FAM184A: variants seen among roughly 807,000 people sequenced by gnomAD.
FAM184A encodes the protein family with sequence similarity 184 member A, also known as protein FAM184A.
In FAM184A, 99 loss-of-function variants were observed where a neutral mutation model predicts 143.8. The ratio of observed to expected loss-of-function variants is 0.69; its 90% CI spans 0.58 to 0.81. FAM184A has a LOEUF of 0.81. FAM184A is among the 40% of genes least tolerant of loss of function. The pLI is 0.00. For synonymous variants in FAM184A, 427 were observed against 446.4 expected (o/e 0.96, Z 0.55); for missense variants, 1,217 against 1,310.5 (o/e 0.93, Z 1.10).
chr6:118,999,894 T>C (rs555366357), intron 9 of FAM184A, among the ~76,000 whole-genome samples: 3 of 152,308 alleles, frequency 2.0e-5, no homozygotes, highest in South Asian at 2.1e-4. Context: ...TACAAACTGC[T>C]TGGATCATTT....
intron 3 of FAM184A, among the ~76,000 whole-genome samples, chr6:119,022,057 T>C (rs1172859568): frequency 1.4e-5 from 2 of 139,846 alleles, no homozygotes; most frequent in Non-Finnish European, 3.1e-5. Flanking sequence ...TTCTTTCTTT[T>C]TTTTTTTTTT....
chr6:119,056,426 A>T (rs907465720), intron 1 of FAM184A, among the ~76,000 whole-genome samples: 42 of 152,208 alleles, frequency 2.8e-4, no homozygotes, highest in Admixed American at 2.6e-3. Context: ...GAAATTTCCC[A>T]AAACAAACCT....
chr6:118,978,169 G>C (rs1309999413), intron 11 of FAM184A, among the ~76,000 whole-genome samples: 1 of 152,070 alleles, frequency 6.6e-6, no homozygotes, highest in Non-Finnish European at 1.5e-5. Context: ...CACCATGTTG[G>C]TCAGGCTGAT....
At chr6:119,133,803 G>A (rs1476487379) in intron 1 of FAM184A, among the ~76,000 whole-genome samples, 1 of 151,896 alleles carries the variant, frequency 6.6e-6, no homozygotes, top group Non-Finnish European at 1.5e-5. Context: ...ACCACACCTG[G>A]CTAATTATTA....
chr6:119,082,153 G>A (rs564614806), upstream of FAM184A, among the ~76,000 whole-genome samples: 109 of 152,226 alleles, frequency 7.2e-4, no homozygotes, highest in African/African-American at 2.4e-3. Flanking sequence ...CCCTTCCCCC[G>A]TTCTGTATTA....
At position 118,967,042 on chromosome 6, in the gene FAM184A, C is replaced by A. The variant is rs1160989724; in HGVS notation, c.2916-90G>T. ...TTAAAAAAATTAGTCTAGTTGAACA[C>A]ACACAAAAATCTGAAACAAAACTTC... On this transcript the variant is annotated intron_variant, in intron 14 of 17. Coordinates refer to ENST00000338891, the MANE Select transcript of FAM184A (RefSeq NM_024581.6). 3 of 617,040 alleles carry A rather than the reference C, an allele frequency of 4.9e-6. No individual in the cohort carries two copies. The Admixed American group carries it at 8.6e-5, about 18-fold the overall frequency. The allele number at this position is 617,040 out of a possible 1,614,324, so 38.2% of individuals were successfully genotyped here. A position where few individuals can be genotyped will look rare whatever the true frequency, so the allele number is the denominator to read the frequency against.
At chr6:119,087,404 A>G (rs764321301) in intron 1 of FAM184A, among the ~76,000 whole-genome samples, 1 of 152,230 alleles carries the variant, frequency 6.6e-6, no homozygotes, top group Non-Finnish European at 1.5e-5. Context: ...AAAAGCAAAT[A>G]ACCCAATTAA....
At chr6:119,055,473 C>T (rs1014772434) in intron 1 of FAM184A, among the ~76,000 whole-genome samples, 3 of 152,116 alleles carry the variant, frequency 2.0e-5, no homozygotes, top group African/African-American at 7.2e-5. Flanking sequence ...AACTGTTTAC[C>T]AAAGTGACTG....
At chr6:118,997,324 CAA>C (rs11345478) in intron 9 of FAM184A, among the ~76,000 whole-genome samples, 303 of 111,916 alleles carry the variant, frequency 2.7e-3, no homozygotes, top group Admixed American at 3.6e-3. Flanking sequence ...AACTCCATCT[CAA>C]AAAAAAAAAA....
At chr6:119,134,668 A>G (rs1047749716) in intron 1 of FAM184A, among the ~76,000 whole-genome samples, 144 of 149,924 alleles carry the variant, frequency 9.6e-4, no homozygotes, top group Admixed American at 3.8e-3. Flanking sequence ...AAAAAAAAAA[A>G]AGAGAAAGAA....
At chr6:119,127,674 G>T (rs759756028) in intron 1 of FAM184A, among the ~76,000 whole-genome samples, 7 of 152,174 alleles carry the variant, frequency 4.6e-5, no homozygotes, top group Non-Finnish European at 8.8e-5. Context: ...GAGGGAAGCA[G>T]CTACCCTAAA....
At chr6:119,013,024 G>T (rs1438588504) in intron 5 of FAM184A, among the ~76,000 whole-genome samples, 1 of 152,108 alleles carries the variant, frequency 6.6e-6, no homozygotes, top group Non-Finnish European at 1.5e-5. Flanking sequence ...ATTTTGGAAG[G>T]AGGCTGGTTT....
chr6:119,001,674 G>A (rs913322710), intron 9 of FAM184A, among the ~76,000 whole-genome samples: 9 of 152,100 alleles, frequency 5.9e-5, no homozygotes, highest in Admixed American at 1.3e-4. Flanking sequence ...CAGGAGAAGC[G>A]GTGGGCCACT....
chr6:118,971,120 A>T (rs886942217), intron 14 of FAM184A, among the ~76,000 whole-genome samples: 7 of 152,208 alleles, frequency 4.6e-5, no homozygotes, highest in Non-Finnish European at 1.0e-4. Context: ...ATAGCAATTG[A>T]AGCACTTTAA....
At chr6:119,134,436 G>T (rs1393215323) in intron 1 of FAM184A, among the ~76,000 whole-genome samples, 1 of 151,988 alleles carries the variant, frequency 6.6e-6, no homozygotes, top group Non-Finnish European at 1.5e-5. Flanking sequence ...AGGATTGCTT[G>T]AGTCCCGAAG....
In FAM184A at chr6:119,016,862, A is replaced by G; in HGVS notation, c.1415T>C (p.Val472Ala). 6.2e-7 allele frequency: 1 copy of G among 1,613,918 alleles called. No homozygotes were observed. Among genetic ancestry groups the G allele is most frequent in the South Asian group, 1.1e-5 (1 of 91,062 alleles). ...KNLQSRLEEE[V>A]TQLNEAHSKT... ...AGAATGGGCCTCGTTTAATTGAGTC[A>G]CCTCCTCTTCCAATCTACTTTGCAG... is the stretch of plus-strand genomic sequence containing the variant. The change falls in exon 5 of 18, where the codon GTG becomes GCG. Residue 472 changes from valine to alanine, a missense_variant. Physicochemically the swap from Val to Ala is moderately conservative, Grantham distance 64 (BLOSUM62 0). Coordinates refer to ENST00000338891, the MANE Select transcript of FAM184A (RefSeq NM_024581.6).
intron 1 of FAM184A, among the ~76,000 whole-genome samples, chr6:119,102,635 A>G (rs984349747): frequency 1.3e-5 from 2 of 151,890 alleles, no homozygotes; most frequent in South Asian, 2.1e-4. Context: ...TAAAAAATAC[A>G]TAATATTAGC....
chr6:119,115,345 T>A (rs1473267663), intron 1 of FAM184A, among the ~76,000 whole-genome samples: 1 of 152,156 alleles, frequency 6.6e-6, no homozygotes, highest in Non-Finnish European at 1.5e-5. Flanking sequence ...TCTGTTCTGA[T>A]CACCCTGCAG....
intron 1 of FAM184A, among the ~76,000 whole-genome samples, chr6:119,112,486 C>A (rs1412059582): frequency 6.6e-6 from 1 of 152,158 alleles, no homozygotes; most frequent in East Asian, 1.9e-4. Flanking sequence ...TAGGTTTAAA[C>A]CGTTTAGAAA....
Sources: gnomAD v4.1 joint callset for allele counts (sites outside exome capture counted in the v4.1 genomes callset) on GRCh38, gnomAD v4.1.1 for gene constraint, MANE v1.5 for transcripts, NCBI Gene and HGNC (gene_info 2026-07-23, HGNC 2026-07-21) for gene names.